TTC7A: variants seen among roughly 807,000 people sequenced by gnomAD.
TTC7A encodes tetratricopeptide repeat protein 7A.
Under a neutral mutation model 103.7 loss-of-function variants are expected in TTC7A, and 110 were observed. The observed-to-expected ratio is 1.06, with a 90% CI of 0.91 to 1.24. TTC7A has a LOEUF of 1.24. Ranked by LOEUF, TTC7A falls within the 50% of genes most tolerant of loss-of-function variation. The pLI, the probability that TTC7A is intolerant of heterozygous loss-of-function variation, is 0.00. For synonymous variants in TTC7A, 521 were observed against 467.9 expected (o/e 1.11, Z -1.47); for missense variants, 1,340 against 1,116.3 (o/e 1.20, Z -2.86).
At chr2:46,924,153 A>G (rs60194846) in intron 2 of TTC7A, among the ~76,000 whole-genome samples, 9,048 of 151,234 alleles carry the variant, frequency 0.06, 472 homozygotes, top group African/African-American at 0.13. Flanking sequence ...GCAGTGAGCT[A>G]TGATCCTGCC....
At chr2:47,037,227 T>G (rs1681213320) in intron 15 of TTC7A, among the ~76,000 whole-genome samples, 1 of 152,198 alleles carries the variant, frequency 6.6e-6, no homozygotes, top group Non-Finnish European at 1.5e-5. Context: ...GATGTCTTGT[T>G]TGAGTTTGGA....
At chr2:47,023,557 A>G in intron 13 of TTC7A, 92 bp downstream of exon 13, 1 of 1,316,878 alleles carries the variant, frequency 7.6e-7, no homozygotes, top group Non-Finnish European at 1.1e-6. Flanking sequence ...ATGTGGGCAG[A>G]ACAAACATTT....
intron 11 of TTC7A, among the ~76,000 whole-genome samples, chr2:47,014,928 G>A (rs1340430528): frequency 5.9e-5 from 9 of 152,380 alleles, no homozygotes; most frequent in South Asian, 4.1e-4. Context: ...ACCCCATACC[G>A]GGTCTGGGTC....
chr2:47,054,121 A>G, intron 18 of TTC7A: 1 of 985,460 alleles, frequency 1.0e-6, no homozygotes, highest in Non-Finnish European at 1.2e-6. Flanking sequence ...CTCCGAGAAC[A>G]GCATCTGAAT....
chr2:46,976,299 A>G (rs1410884476), intron 4 of TTC7A, among the ~76,000 whole-genome samples: 1 of 152,264 alleles, frequency 6.6e-6, no homozygotes, highest in Non-Finnish European at 1.5e-5. Flanking sequence ...AGTTTACCTC[A>G]TTAATAAGTG....
intron 11 of TTC7A, among the ~76,000 whole-genome samples, chr2:47,018,823 T>G (rs919300718): frequency 1.3e-5 from 2 of 152,156 alleles, no homozygotes; most frequent in Non-Finnish European, 2.9e-5. Flanking sequence ...ATCCCTGTTT[T>G]ACAGAAGAGA....
At chr2:46,994,316 T>G (rs771886331) in intron 6 of TTC7A, 41 bp from the exon 7 acceptor site, 3 of 1,591,860 alleles carry the variant, frequency 1.9e-6, no homozygotes, top group East Asian at 2.2e-5. Flanking sequence ...GGGGTAGAGC[T>G]GACAACTGTG....
rs112676177 is a variant in TTC7A at position 46,962,836 on chromosome 2, G to A, written c.517+5829G>A. 8.9e-3 allele frequency among the ~76,000 whole-genome samples: 1,349 copies of A among 152,372 alleles called. 13 individuals carry two copies. The highest frequency in any genetic ancestry group is 0.015 in the Non-Finnish European group (998 of 68,034). On this transcript the variant is annotated intron_variant, in intron 3 of 19. Transcript: ENST00000319190. ...CCCCTGATGGGAGTGGAACACTTGA[G>A]CCTACCTGATAGGTTGAACAGTGCA...
intron 1 of TTC7A, among the ~76,000 whole-genome samples, chr2:46,947,721 T>C (rs1343336892): frequency 1.3e-5 from 2 of 152,120 alleles, no homozygotes; most frequent in African/African-American, 4.8e-5. Flanking sequence ...TGAAAATAAA[T>C]TCCCAATCTG....
chr2:47,036,315 T>C (rs746469295), intron 15 of TTC7A, among the ~76,000 whole-genome samples: 7 of 152,230 alleles, frequency 4.6e-5, no homozygotes, highest in Non-Finnish European at 1.0e-4. Context: ...GCTTTCAGGC[T>C]GTTGATTTTT....
intron 16 of TTC7A, among the ~76,000 whole-genome samples, chr2:47,048,932 T>C (rs1682592015): frequency 6.6e-6 from 1 of 152,066 alleles, no homozygotes; most frequent in Non-Finnish European, 1.5e-5. Context: ...CCACACTTTG[T>C]GCCTCCTGGG....
intron 3 of TTC7A, among the ~76,000 whole-genome samples, chr2:46,963,389 T>C (rs964987535): frequency 6.6e-6 from 1 of 152,248 alleles, no homozygotes; most frequent in Admixed American, 6.5e-5. Context: ...TATCCTGAAG[T>C]GTTCCACCAC....
chr2:46,948,447 T>C (rs1671121195), intron 1 of TTC7A, among the ~76,000 whole-genome samples: 1 of 152,232 alleles, frequency 6.6e-6, no homozygotes, highest in Admixed American at 6.5e-5. Flanking sequence ...AGGTACTTTT[T>C]TGACCATTTC....
chr2:47,064,248 C>T (rs754370684), intron 19 of TTC7A, among the ~76,000 whole-genome samples: 9 of 152,186 alleles, frequency 5.9e-5, no homozygotes, highest in African/African-American at 1.7e-4. Flanking sequence ...CAGGGGCCTC[C>T]GGGAAACTGG....
chr2:46,997,577 G>T (rs1222141404), intron 8 of TTC7A, among the ~76,000 whole-genome samples: 1 of 152,156 alleles, frequency 6.6e-6, no homozygotes, highest in East Asian at 1.9e-4. Flanking sequence ...ATACTAATAA[G>T]CCTTGAAGCC....
rs770018054 is a variant in TTC7A at position 47,051,737 on chromosome 2, G to A, written c.2018-9G>A. On this transcript the variant is annotated splice_polypyrimidine_tract_variant and intron_variant, in intron 17 of 19. Transcript: ENST00000319190. ...ACCACTGCTCGGCTCGTGCCCTCTTGCTCTGCAGGCTCCCGGCGGGCTTCG... is the reference window on the plus strand; with the variant it reads ...ACCACTGCTCGGCTCGTGCCCTCTTACTCTGCAGGCTCCCGGCGGGCTTCG... 6.2e-7 allele frequency: 1 copy of A among 1,607,798 alleles called. No homozygotes were observed. The highest frequency in any genetic ancestry group is 1.1e-5 in the South Asian group (1 of 90,558).
At chr2:46,920,970 T>C (rs887282511) in intron 2 of TTC7A, among the ~76,000 whole-genome samples, 5 of 144,994 alleles carry the variant, frequency 3.4e-5, no homozygotes, top group African/African-American at 5.5e-5. Context: ...TCCCTATTCA[T>C]GATAAAAAAA....
intron 10 of TTC7A, among the ~76,000 whole-genome samples, chr2:47,010,925 C>T (rs941281783): frequency 6.6e-6 from 1 of 152,160 alleles, no homozygotes; most frequent in African/African-American, 2.4e-5. Context: ...GTCTCGAACT[C>T]CTGAGTTCAA....
chr2:46,958,519 C>T (rs1250053138), intron 3 of TTC7A: 1 of 1,304,170 alleles, frequency 7.7e-7, no homozygotes, highest in East Asian at 5.6e-5. Flanking sequence ...CTTGGGGGAA[C>T]ACAGTCCCGG....
Sources: allele counts gnomAD v4.1 joint callset (sites outside exome capture counted in the v4.1 genomes callset), GRCh38; gene constraint gnomAD v4.1.1; transcripts MANE v1.5; gene names NCBI Gene and HGNC (gene_info 2026-07-23, HGNC 2026-07-21).